KANSL1: variants seen among roughly 807,000 people sequenced by gnomAD.
The protein encoded by KANSL1 is KAT8 regulatory NSL complex subunit 1.
In KANSL1, 22 loss-of-function variants were observed where a neutral mutation model predicts 103.6. The ratio of observed to expected loss-of-function variants is 0.21; its 90% confidence interval spans 0.15 to 0.30. The LOEUF is 0.30. Among genes scored for constraint, KANSL1 ranks in the 10% least tolerant of loss-of-function variants. The pLI is 1.00. For synonymous variants in KANSL1, 600 were observed against 527.6 expected, an observed-to-expected ratio of 1.14 and a Z score of -1.88; for missense variants, 1,337 against 1,399.8, an observed-to-expected ratio of 0.96 and a Z score of 0.72.
intron 2 of KANSL1, among the ~76,000 whole-genome samples, chr17:46,148,427 A>T (rs2044857521): frequency 6.6e-6 from 1 of 152,206 alleles, no homozygotes; most frequent in Non-Finnish European, 1.5e-5. Flanking sequence ...AACCATAAAC[A>T]AGGGTAACCT....
At chr17:46,213,469 T>A (rs74672174) in intron 1 of KANSL1, among the ~76,000 whole-genome samples, 2 of 107,014 alleles carry the variant, frequency 1.9e-5, no homozygotes, top group Non-Finnish European at 5.0e-5. Flanking sequence ...CCCGGCTAAT[T>A]TTTTTTTTTT....
chr17:46,033,554 C>T, intron 11 of KANSL1, 94 bp from the exon 12 acceptor site: 1 of 983,072 alleles, frequency 1.0e-6, no homozygotes, highest in Non-Finnish European at 1.6e-6. Flanking sequence ...AATCCTGCAC[C>T]TGTGGGTGAC....
intron 4 of KANSL1, among the ~76,000 whole-genome samples, chr17:46,077,453 T>A (rs2078821087): frequency 6.6e-6 from 1 of 152,242 alleles, no homozygotes; most frequent in Admixed American, 6.5e-5. Flanking sequence ...TTTTCCTAAT[T>A]TTTAAACAGC....
intron 6 of KANSL1, among the ~76,000 whole-genome samples, chr17:46,058,972 G>C (rs1472681213): frequency 6.6e-6 from 1 of 151,468 alleles, no homozygotes; most frequent in East Asian, 1.9e-4. Flanking sequence ...GCTTGAACCT[G>C]GGAGATGGAG....
rs1263052852 is a variant in KANSL1, at chr17:46,030,311, T to C, written c.*1165A>G. On this transcript the variant is annotated 3_prime_UTR_variant, in exon 15 of 15. Transcript: ENST00000432791. ...AAAAAAAAATCACTAATGTTGAAAA[T>C]TGTGAAAAAACCCCAACCATTAAGC... 4.0e-5 allele frequency: 6 copies of C among 151,766 alleles called. No individual in the cohort carries two copies. Among genetic ancestry groups the C allele is most frequent in the Non-Finnish European group, 7.4e-5 (5 of 67,928 alleles). 9.4% of individuals were successfully genotyped at this position (151,766 alleles called of 1,614,324 possible). A position where few individuals can be genotyped will look rare whatever the true frequency, so the allele number is the denominator to read the frequency against.
At position 46,067,540 on chromosome 17, in the gene KANSL1, A is replaced by G; in HGVS notation, c.1652+9T>C. ...ACTAAGTGTAGGAAGTAGAAGAGCT[A>G]AAACTTACGTGTTAATAACTCCATT... On this transcript the variant is annotated intron_variant, in intron 5 of 14. Coordinates refer to ENST00000432791, the MANE Select transcript of KANSL1 (RefSeq NM_015443.4). 6.6e-7 allele frequency: 1 copy of G among 1,516,120 alleles called. No individual in the cohort carries two copies. The highest frequency in any genetic ancestry group is 9.2e-7 in the Non-Finnish European group (1 of 1,090,802). The allele number at this position is 1,516,120 out of a possible 1,614,324, so 93.9% of individuals were successfully genotyped here.
At chr17:46,100,108 A>G (rs779280089) in intron 2 of KANSL1, among the ~76,000 whole-genome samples, 6 of 152,166 alleles carry the variant, frequency 3.9e-5, no homozygotes, top group Non-Finnish European at 8.8e-5. Flanking sequence ...AGAATTGAGA[A>G]TGCTCTGTTG....
In KANSL1 at chr17:46,039,145, G is replaced by A. The variant is rs2077237541; in HGVS notation, c.2274C>T (p.Pro758=). The A allele has an allele frequency of 1.2e-6, 2 of 1,612,142 alleles. No individual in the cohort carries two copies. Among genetic ancestry groups the A allele is most frequent in the Admixed American group, 1.7e-5 (1 of 59,490 alleles). Residue 758 remains proline, a synonymous_variant, in exon 9 of 15, where the codon CCC becomes CCT. Transcript: ENST00000432791. ...TTGGCGCTGTCACTCGCTCCACCAT[G>A]GGCACGGCCCCCACATCGTCTAAGT... The part of the protein sequence containing the change: ...RQHLDDVGAV[P]MVERVTAPKA...
At chr17:46,068,948 TG>T (rs2078479263) in intron 4 of KANSL1, among the ~76,000 whole-genome samples, 1 of 152,098 alleles carries the variant, frequency 6.6e-6, no homozygotes, top group Non-Finnish European at 1.5e-5. Context: ...TTTTTTGAGA[TG>T]AAGTCTCGCT....
chr17:46,189,757 C>T (rs1397980006), intron 1 of KANSL1, among the ~76,000 whole-genome samples: 1 of 152,012 alleles, frequency 6.6e-6, no homozygotes, highest in East Asian at 1.9e-4. Flanking sequence ...TGGTGGCACA[C>T]GCCTGTAGTC....
In KANSL1 at chr17:46,171,215, G is replaced by A. The variant is rs1306438847; in HGVS notation, c.929C>T (p.Ala310Val). 2 of 1,613,974 alleles carry A rather than the reference G, an allele frequency of 1.2e-6. No individual in the cohort carries two copies. ...RLQKRLQVVQ[A>V]KQVERHIQHQ... ...TTGTATATGCCTCTCAACCTGCTTGGCTTGCACAACCTGTAAGCGCTTTTG... is the reference window on the plus strand; with the variant it reads ...TTGTATATGCCTCTCAACCTGCTTGACTTGCACAACCTGTAAGCGCTTTTG... The change falls in exon 2 of 15, where the codon GCC becomes GTC. Residue 310 changes from alanine to valine, a missense_variant. By Grantham distance (64) the Ala-to-Val change is moderately conservative (BLOSUM62 0). Transcript: ENST00000432791.
intron 2 of KANSL1, among the ~76,000 whole-genome samples, chr17:46,129,089 G>GAA (rs113869018): frequency 2.6e-5 from 4 of 151,282 alleles, no homozygotes; most frequent in Non-Finnish European, 5.9e-5. Context: ...GAGATGAAAA[G>GAA]AAAAAAAAAT....
At chr17:46,170,683 C>G (rs573082498) in intron 2 of KANSL1, 172 bp downstream of exon 2, 2 of 709,598 alleles carry the variant, frequency 2.8e-6, no homozygotes, top group African/African-American at 3.6e-5. Context: ...AAAGTATCTT[C>G]CCCTTCTTCA....
At chr17:46,072,855 A>T (rs948120365) in intron 4 of KANSL1, among the ~76,000 whole-genome samples, 12 of 152,348 alleles carry the variant, frequency 7.9e-5, no homozygotes, top group African/African-American at 2.9e-4. Context: ...TTACTAATCC[A>T]ATGGTTCCTA....
At chr17:46,095,094 A>G (rs2042005176) in intron 2 of KANSL1, among the ~76,000 whole-genome samples, 1 of 152,008 alleles carries the variant, frequency 6.6e-6, no homozygotes, top group Non-Finnish European at 1.5e-5. Flanking sequence ...AGTGTTCAGT[A>G]AAGAATATTT....
chr17:46,145,268 A>T (rs942565535), intron 2 of KANSL1, among the ~76,000 whole-genome samples: 1 of 152,224 alleles, frequency 6.6e-6, no homozygotes, highest in Non-Finnish European at 1.5e-5. Flanking sequence ...ATCATTTTCC[A>T]ACTCACTCTC....
chr17:46,133,653 A>G (rs1169072628), intron 2 of KANSL1, among the ~76,000 whole-genome samples: 1 of 152,242 alleles, frequency 6.6e-6, no homozygotes. Flanking sequence ...AATGACAATA[A>G]CAAGGTATCT....
At chr17:46,100,174 A>G (rs2042247788) in intron 2 of KANSL1, among the ~76,000 whole-genome samples, 2 of 152,232 alleles carry the variant, frequency 1.3e-5, no homozygotes, top group African/African-American at 4.8e-5. Flanking sequence ...TGAGCTAGGT[A>G]GTGAGTACCT....
At chr17:46,088,608 G>C (rs563066804) in intron 3 of KANSL1, 8 of 152,198 alleles carry the variant, frequency 5.3e-5, no homozygotes, top group Admixed American at 2.6e-4. Context: ...AAAAAACAAC[G>C]TAAGAGTCAA....
Sources: allele counts gnomAD v4.1 joint callset (sites outside exome capture counted in the v4.1 genomes callset), GRCh38; gene constraint gnomAD v4.1.1; transcripts MANE v1.5; gene names NCBI Gene and HGNC (gene_info 2026-07-23, HGNC 2026-07-21).